The following HAT1 variants were observed in gnomAD, a reference collection of about 807,000 sequenced individuals.
HAT1 encodes the protein histone acetyltransferase type B catalytic subunit.
Under a neutral mutation model 56.6 loss-of-function variants are expected in HAT1, and 20 were observed. The observed-to-expected ratio is 0.35, with a 90% CI of 0.25 to 0.51. The LOEUF (loss-of-function observed/expected upper bound fraction) is 0.51, where lower values mean the gene tolerates loss of function less well. Among genes scored for constraint, HAT1 ranks in the 20% least tolerant of loss-of-function variants. The pLI is 0.95. For missense variants in HAT1, 408 were observed against 504.3 expected (o/e 0.81, Z 1.83); for synonymous variants, 146 against 165.5 (o/e 0.88, Z 0.91).
Position 171,940,270 on chromosome 2 carries a change from A to C in HAT1, c.113-6438A>C, listed in dbSNP as rs117809327. On this transcript the variant is annotated intron_variant, in intron 2 of 10. Transcript: ENST00000264108. Reference sequence around the variant, plus strand: ...CGTATTCTCATGCACATCCTCCTGAAAAATATATTGCACAAAAACAAGCGT... The same window carrying C: ...CGTATTCTCATGCACATCCTCCTGACAAATATATTGCACAAAAACAAGCGT... 2.8e-4 allele frequency among the ~76,000 whole-genome samples: 43 copies of C among 152,288 alleles called. 1 individual carries two copies. The East Asian group carries it at 7.9e-3, about 28-fold the overall frequency.
intron 1 of HAT1, chr2:171,922,927 C>A (rs148402162): frequency 7.1e-4 from 125 of 175,236 alleles, no homozygotes; most frequent in Middle Eastern, 4.6e-3. Flanking sequence ...TCCAGGTCTC[C>A]GTCTACCTTC....
Position 171,966,441 on chromosome 2 carries a change from T to C in HAT1, c.644T>C (p.Leu215Pro), listed in dbSNP as rs763077608. The C allele has an allele frequency of 6.2e-7, 1 of 1,600,200 alleles. No homozygotes were observed. The highest frequency in any genetic ancestry group is 1.1e-5 in the South Asian group (1 of 90,824). Residue 215 changes from leucine to proline, a missense_variant, in exon 7 of 11, where the codon CTC (leucine) becomes CCC (proline). Coordinates refer to ENST00000264108, the MANE Select transcript of HAT1 (RefSeq NM_003642.4). ...FEKYNKDGATLFATVGYMTVY... is the reference protein window; with the variant it reads ...FEKYNKDGATPFATVGYMTVY... Reference sequence around the variant, plus strand: ...AAGTATAATAAGGATGGAGCTACGCTCTTTGCGACCGTAGGCTACATGACA... The same window carrying C: ...AAGTATAATAAGGATGGAGCTACGCCCTTTGCGACCGTAGGCTACATGACA...
chr2:171,930,920 A>ATT (rs577786818), intron 2 of HAT1, among the ~76,000 whole-genome samples: 1 of 146,890 alleles, frequency 6.8e-6, no homozygotes, highest in Non-Finnish European at 1.5e-5. Context: ...CAGCTATAGG[A>ATT]TTTTTTTTTT....
intron 3 of HAT1, among the ~76,000 whole-genome samples, chr2:171,952,138 G>A (rs1687323960): frequency 6.6e-6 from 1 of 152,166 alleles, no homozygotes; most frequent in Non-Finnish European, 1.5e-5. Flanking sequence ...TGCAAACACA[G>A]TCAATTTTGG....
chr2:171,965,209 T>A lies in HAT1; in HGVS notation c.310-129T>A, dbSNP rs527810500. 333 of 602,048 alleles carry A rather than the reference T, an allele frequency of 5.5e-4. 1 individual carries two copies. Among genetic ancestry groups the A allele is most frequent in the Non-Finnish European group, 8.8e-4 (298 of 338,714 alleles). 37.3% of individuals were successfully genotyped at this position (602,048 alleles called of 1,614,324 possible). A position where few individuals can be genotyped will look rare whatever the true frequency, so the allele number is the denominator to read the frequency against. On this transcript the variant is annotated intron_variant, in intron 4 of 10. Coordinates refer to ENST00000264108, the MANE Select transcript of HAT1 (RefSeq NM_003642.4). ...AAGCTCATCCTTTTCCAATTCGCTGTGTGTTTACTTCTTTAGTTTTCAACC... is the reference window on the plus strand; with the variant it reads ...AAGCTCATCCTTTTCCAATTCGCTGAGTGTTTACTTCTTTAGTTTTCAACC...
chr2:171,981,363 T>C (rs1574072744), intron 10 of HAT1, among the ~76,000 whole-genome samples: 2 of 152,336 alleles, frequency 1.3e-5, no homozygotes, highest in South Asian at 4.1e-4. Flanking sequence ...TGATTCTACA[T>C]TACAATTTGA....
Position 171,965,782 on chromosome 2 carries a change from C to T in HAT1, c.490-5C>T. 1 of 1,611,454 alleles carries T rather than the reference C, an allele frequency of 6.2e-7. No homozygotes were observed. The highest frequency in any genetic ancestry group is 8.5e-7 in the Non-Finnish European group (1 of 1,179,006). On this transcript the variant is annotated splice_polypyrimidine_tract_variant and splice_region_variant and intron_variant, in intron 5 of 10. Coordinates refer to ENST00000264108, the MANE Select transcript of HAT1 (RefSeq NM_003642.4). Reference sequence around the variant, plus strand: ...TCACCTGACTTTTCCTGGCTTTTTCCCTAGGCTGACATGACATGTAGAGGC... The same window carrying T: ...TCACCTGACTTTTCCTGGCTTTTTCTCTAGGCTGACATGACATGTAGAGGC...
intron 2 of HAT1, among the ~76,000 whole-genome samples, chr2:171,935,260 A>G: frequency 6.6e-6 from 1 of 150,880 alleles, no homozygotes; most frequent in East Asian, 2.0e-4. Flanking sequence ...CATGCCTGTA[A>G]TCCCAGCACT....
chr2:171,937,428 C>G (rs1428636266), intron 2 of HAT1, among the ~76,000 whole-genome samples: 6 of 152,040 alleles, frequency 3.9e-5, no homozygotes, highest in African/African-American at 1.4e-4. Context: ...AGAGCTGGCT[C>G]TGGTGGTACT....
chr2:171,977,061 A>G (rs1183660944), intron 9 of HAT1, among the ~76,000 whole-genome samples: 2 of 152,150 alleles, frequency 1.3e-5, no homozygotes, highest in Non-Finnish European at 2.9e-5. Flanking sequence ...AGTCCCAGCT[A>G]CTCGGTAGGC....
At chr2:171,923,589 C>A (rs996682246) in intron 1 of HAT1, 12 of 152,174 alleles carry the variant, frequency 7.9e-5, no homozygotes, top group Non-Finnish European at 1.8e-4. Flanking sequence ...TTGCTTTTAT[C>A]ATCTCTTTAC....
rs184760405 is a variant in HAT1, at chr2:171,947,452, C to G, written c.188+669C>G. On this transcript the variant is annotated intron_variant, in intron 3 of 10. Coordinates refer to ENST00000264108, the MANE Select transcript of HAT1 (RefSeq NM_003642.4). ...AAAATTTTTTGTAGAGATTGGGTCTCCCTATGTTGCCCAGGCTGGCCTTGA... is the reference window on the plus strand; with the variant it reads ...AAAATTTTTTGTAGAGATTGGGTCTGCCTATGTTGCCCAGGCTGGCCTTGA... 3.7e-3 allele frequency among the ~76,000 whole-genome samples: 562 copies of G among 151,790 alleles called. 3 individuals are homozygous for G. Among genetic ancestry groups the G allele is most frequent in the Middle Eastern group, 0.014 (4 of 292 alleles).
chr2:171,965,282 C>T (rs1196419932), intron 4 of HAT1, 56 bp from the exon 5 acceptor site: 44 of 1,029,048 alleles, frequency 4.3e-5, no homozygotes, highest in Non-Finnish European at 5.4e-5. Flanking sequence ...AGAAATAAAC[C>T]ATATTCAACT....
At chr2:171,979,174 T>G (rs1688066560) in intron 9 of HAT1, 73 bp from the exon 10 acceptor site, 1 of 737,428 alleles carries the variant, frequency 1.4e-6, no homozygotes, top group Non-Finnish European at 2.4e-6. Context: ...ATTAAATATA[T>G]CCTGTGTTCT....
At chr2:171,968,702 C>T (rs1475109116) in intron 8 of HAT1, among the ~76,000 whole-genome samples, 1 of 152,074 alleles carries the variant, frequency 6.6e-6, no homozygotes, top group Non-Finnish European at 1.5e-5. Context: ...CTAAAAATGC[C>T]TTATCAGCTG....
Position 171,965,799 on chromosome 2 carries a change from T to C in HAT1, c.502T>C (p.Cys168Arg), listed in dbSNP as rs371877066. Residue 168 changes from cysteine (C) to arginine (R), a missense_variant, in exon 6 of 11, where the codon TGT (cysteine) becomes CGT (arginine). Transcript: ENST00000264108. ...GCTTTTTCCCTAGGCTGACATGACA[T>C]GTAGAGGCTTTCGAGAATATCATGA... ...TFQIYKADMTCRGFREYHERL... is the reference protein window; with the variant it reads ...TFQIYKADMTRRGFREYHERL... 349 of 1,613,538 alleles carry C rather than the reference T, an allele frequency of 2.2e-4. 4 individuals are homozygous for C. In the East Asian group the frequency reaches 4.2e-3, roughly 19 times the overall value.
rs1448159517 is a variant in HAT1, at chr2:171,952,927, A to G, written c.235A>G (p.Ile79Val). 3 of 1,594,100 alleles carry G rather than the reference A, an allele frequency of 1.9e-6. No homozygotes were observed. In the African/African-American group the frequency reaches 4.0e-5, roughly 21 times the overall value. ...GGGTCTAAAGATCCTGTTATACTAT[A>G]TTGCTGGTAGCCTGTCAACAATGTT... ...YKGLKILLYYIAGSLSTMFRV... is the reference protein window; with the variant it reads ...YKGLKILLYYVAGSLSTMFRV... The change falls in exon 4 of 11, where the codon ATT (isoleucine) becomes GTT (valine). Residue 79 changes from isoleucine to valine, a missense_variant. Ile to Val is a conservative substitution (Grantham distance 29). Transcript: ENST00000264108.
At chr2:171,922,804 C>A (rs941770129) in intron 1 of HAT1, 1 of 374,028 alleles carries the variant, frequency 2.7e-6, no homozygotes, top group Non-Finnish European at 4.7e-6. Flanking sequence ...ATGCCACATG[C>A]CTTGGGGCCT....
At position 171,983,641 on chromosome 2, in the gene HAT1, A is replaced by C. The variant is rs1424712687; in HGVS notation, c.*289A>C. On this transcript the variant is annotated 3_prime_UTR_variant, in exon 11 of 11. Transcript: ENST00000264108. ...AGTTGTGATATGTTAATGTGTGATG[A>C]TATGATTCTTAAATACTTACAATAA... 1 of 223,458 alleles carries C rather than the reference A, an allele frequency of 4.5e-6. No individual in the cohort carries two copies. The highest frequency in any genetic ancestry group is 8.7e-6 in the Non-Finnish European group (1 of 115,264). The allele number at this position is 223,458 out of a possible 1,614,324, so 13.8% of individuals were successfully genotyped here.
Sources: allele counts gnomAD v4.1 joint callset (sites outside exome capture counted in the v4.1 genomes callset), GRCh38; gene constraint gnomAD v4.1.1; transcripts MANE v1.5; gene names NCBI Gene and HGNC (gene_info 2026-07-23, HGNC 2026-07-21).